ISOC1: variants seen among roughly 807,000 people sequenced by gnomAD.
ISOC1 encodes the protein isochorismatase domain-containing protein 1.
Under a neutral mutation model 30.0 loss-of-function variants are expected in ISOC1, and 33 were observed. The ratio of observed to expected loss-of-function variants is 1.10; its 90% confidence interval spans 0.83 to 1.47. The LOEUF (loss-of-function observed/expected upper bound fraction) is 1.47. Ranked by LOEUF, ISOC1 falls within the 40% of genes most tolerant of loss-of-function variation. ISOC1 has a pLI of 0.00. For missense variants in ISOC1, 372 were observed against 388.0 expected, an observed-to-expected ratio of 0.96 and a Z score of 0.35; for synonymous variants, 178 against 159.8, an observed-to-expected ratio of 1.11 and a Z score of -0.86.
In ISOC1 at chr5:129,106,933, A is replaced by G; in HGVS notation, c.634-13A>G. On this transcript the variant is annotated splice_polypyrimidine_tract_variant and intron_variant, in intron 3 of 4. Transcript: ENST00000173527. ...TTATGTTATTACATATGATTCTTGT[A>G]CTTTCCTACTAGACTCATGTGTGCA... is the stretch of plus-strand genomic sequence containing the variant. 6.3e-7 allele frequency: 1 copy of G among 1,581,632 alleles called. No individual in the cohort carries two copies. The highest frequency in any genetic ancestry group is 1.1e-5 in the South Asian group (1 of 90,362).
intron 1 of ISOC1, among the ~76,000 whole-genome samples, chr5:129,102,007 G>A (rs1031249943): frequency 2.6e-5 from 4 of 152,052 alleles, no homozygotes; most frequent in African/African-American, 9.7e-5. Flanking sequence ...TCATATCAAA[G>A]GTACATGTTA....
At chr5:129,100,685 TG>T (rs1471340732) in intron 1 of ISOC1, among the ~76,000 whole-genome samples, 1 of 152,174 alleles carries the variant, frequency 6.6e-6, no homozygotes, top group Non-Finnish European at 1.5e-5. Flanking sequence ...TTAAAGATTT[TG>T]GTTTAAGAGA....
At position 129,113,545 on chromosome 5, in the gene ISOC1, C is replaced by T. The variant is rs992203117; in HGVS notation, c.*544C>T. The T allele has an allele frequency of 2.6e-5, 4 of 152,288 alleles. No individual in the cohort carries two copies. The highest frequency in any genetic ancestry group is 1.9e-4 in the East Asian group (1 of 5,204). 9.4% of individuals were successfully genotyped at this position (152,288 alleles called of 1,614,324 possible). ...ACTTAGTGAGTTGCATTGATCTATC[C>T]GTACCAAATGATGTTGAATAATTAC... is the stretch of plus-strand genomic sequence containing the variant. On this transcript the variant is annotated 3_prime_UTR_variant, in exon 5 of 5. Coordinates refer to ENST00000173527, the MANE Select transcript of ISOC1 (RefSeq NM_016048.2).
chr5:129,103,817 T>A (rs1304759459), intron 1 of ISOC1, among the ~76,000 whole-genome samples: 11 of 152,074 alleles, frequency 7.2e-5, no homozygotes, highest in Admixed American at 2.6e-4. Context: ...GGAAACAAAG[T>A]AGGATAATTA....
chr5:129,101,510 G>T (rs1456810730), intron 1 of ISOC1, among the ~76,000 whole-genome samples: 13 of 152,130 alleles, frequency 8.5e-5, no homozygotes, highest in East Asian at 1.9e-4. Context: ...AATATGTTTT[G>T]TAGAGACAAG....
intron 4 of ISOC1, among the ~76,000 whole-genome samples, chr5:129,111,404 A>G (rs1753707882): frequency 6.6e-6 from 1 of 152,122 alleles, no homozygotes; most frequent in Non-Finnish European, 1.5e-5. Flanking sequence ...ATACTCCCTT[A>G]TACTTCATTA....
intron 1 of ISOC1, among the ~76,000 whole-genome samples, chr5:129,099,745 A>G (rs189090170): frequency 6.6e-6 from 1 of 152,166 alleles, no homozygotes; most frequent in Non-Finnish European, 1.5e-5. Flanking sequence ...AACATATGCT[A>G]AGTTTTAGAG....
intron 3 of ISOC1, among the ~76,000 whole-genome samples, chr5:129,106,522 A>G (rs1378294325): frequency 6.6e-6 from 1 of 152,130 alleles, no homozygotes; most frequent in Non-Finnish European, 1.5e-5. Flanking sequence ...CAGTTTTCCC[A>G]CTAAGTTCTC....
chr5:129,112,639 T>A (rs1753723077), intron 4 of ISOC1, among the ~76,000 whole-genome samples: 1 of 151,872 alleles, frequency 6.6e-6, no homozygotes, highest in South Asian at 2.1e-4. Context: ...CTTTTACTCG[T>A]TCTACTCCAT....
chr5:129,104,439 A>T (rs935717998), intron 1 of ISOC1, among the ~76,000 whole-genome samples: 1 of 152,236 alleles, frequency 6.6e-6, no homozygotes, highest in Non-Finnish European at 1.5e-5. Flanking sequence ...TTTAAATAAC[A>T]TTCAGGAAAT....
intron 1 of ISOC1, among the ~76,000 whole-genome samples, chr5:129,096,717 A>G (rs543697130): frequency 6.6e-6 from 1 of 152,312 alleles, no homozygotes; most frequent in East Asian, 1.9e-4. Flanking sequence ...AAGTCCATTT[A>G]TAAAGGCTAG....
intron 3 of ISOC1, among the ~76,000 whole-genome samples, chr5:129,105,967 AAATATT>A (rs1181243706): frequency 6.6e-6 from 1 of 152,250 alleles, no homozygotes; most frequent in African/African-American, 2.4e-5. Context: ...AATGAAATCA[AAATATT>A]AATTTAATGT....
intron 4 of ISOC1, among the ~76,000 whole-genome samples, chr5:129,112,501 A>T (rs190450294): frequency 3.3e-5 from 5 of 152,282 alleles, no homozygotes; most frequent in Admixed American, 3.3e-4. Context: ...AAATGTCCAG[A>T]TGTTCAGTGA....
chr5:129,108,536 T>C (rs1044016629), intron 4 of ISOC1, among the ~76,000 whole-genome samples: 3 of 149,032 alleles, frequency 2.0e-5, no homozygotes, highest in African/African-American at 7.5e-5. Context: ...AGAGATGGAG[T>C]CTTGCTTTGT....
intron 4 of ISOC1, 35 bp downstream of exon 4, chr5:129,107,097 A>T (rs781678219): frequency 1.3e-6 from 2 of 1,500,738 alleles, no homozygotes; most frequent in Admixed American, 3.3e-5. Context: ...TCATTTGTCA[A>T]GTTTTCCAAA....
chr5:129,101,192 A>AAAATATATATATATAT (rs1554064627), intron 1 of ISOC1, among the ~76,000 whole-genome samples: 2 of 42,224 alleles, frequency 4.7e-5, no homozygotes, highest in African/African-American at 3.7e-4. Flanking sequence ...AAAAAAAAAA[A>AAAATATATATATATAT]ATATATATAT....
intron 1 of ISOC1, among the ~76,000 whole-genome samples, chr5:129,097,419 AAT>A (rs1459942777): frequency 2.0e-5 from 3 of 152,102 alleles, no homozygotes; most frequent in Non-Finnish European, 4.4e-5. Flanking sequence ...ATGTGTGTAT[AAT>A]CTCAGAAAGT....
chr5:129,100,014 A>T (rs1405706219), intron 1 of ISOC1, among the ~76,000 whole-genome samples: 1 of 152,214 alleles, frequency 6.6e-6, no homozygotes, highest in Middle Eastern at 3.2e-3. Context: ...TGGGGGAGTC[A>T]CATCACAGAC....
At position 129,112,856 on chromosome 5, in the gene ISOC1, G is replaced by T. The variant is rs765977657; in HGVS notation, c.752G>T (p.Arg251Leu). The T allele has an allele frequency of 6.2e-7, 1 of 1,611,280 alleles. No homozygotes were observed. Among genetic ancestry groups the T allele is most frequent in the South Asian group, 1.1e-5 (1 of 90,534 alleles). The change falls in exon 5 of 5, where the codon CGT (arginine) becomes CTT (leucine). Residue 251 changes from arginine (R) to leucine (L), a missense_variant and splice_region_variant. Arg to Leu is a moderately radical substitution (Grantham distance 102). Transcript: ENST00000173527. ...TTTGCCTTTATCTTTTTGTTCAAGC[G>T]TCTCGCTCGAACCGGGATCATAGTG... ...SMMDRMFALE[R>L]LARTGIIVTT...
Sources: gnomAD v4.1 joint callset for allele counts (sites outside exome capture counted in the v4.1 genomes callset) on GRCh38, gnomAD v4.1.1 for gene constraint, MANE v1.5 for transcripts, NCBI Gene and HGNC (gene_info 2026-07-23, HGNC 2026-07-21) for gene names.